Variants in FAT1 observed in about 807,000 individuals in gnomAD.
The protein encoded by FAT1 is protocadherin Fat 1.
Under a neutral mutation model 329.8 loss-of-function variants are expected in FAT1, and 171 were observed. The observed-to-expected ratio is 0.52, with a 90% CI of 0.46 to 0.59. The LOEUF (loss-of-function observed/expected upper bound fraction) is 0.59. Ranked by LOEUF, FAT1 falls within the 20% of genes least tolerant of loss-of-function variation. The pLI is 0.00. For synonymous variants in FAT1, 2,233 were observed against 2,228.6 expected (o/e 1.00, Z -0.06); for missense variants, 5,672 against 5,774.4 (o/e 0.98, Z 0.57).
chr4:186,717,628 T>C (rs1001055211), intron 1 of FAT1, among the ~76,000 whole-genome samples: 2 of 152,196 alleles, frequency 1.3e-5, no homozygotes, highest in Non-Finnish European at 2.9e-5. Flanking sequence ...TTAAGAAAGA[T>C]AAACAGATGT....
Position 186,628,485 on chromosome 4 carries a change from T to C in FAT1, c.4599+3A>G. The C allele has an allele frequency of 6.2e-7, 1 of 1,613,916 alleles. No homozygotes were observed. Among genetic ancestry groups the C allele is most frequent in the Non-Finnish European group, 8.5e-7 (1 of 1,179,830 alleles). ...GTGGGAGGAGAGCGGGTAGAGCGCC[T>C]ACCATGACCGTGAGGGTGTGCTGGT... On this transcript the variant is annotated splice_donor_region_variant and intron_variant, in intron 8 of 26. Coordinates refer to ENST00000441802, the MANE Select transcript of FAT1 (RefSeq NM_005245.4).
rs1452889942 is a variant in FAT1 at position 186,706,570 on chromosome 4, T to C, written c.3258A>G (p.Glu1086=). 1.2e-6 allele frequency: 2 copies of C among 1,602,636 alleles called. No homozygotes were observed. Among genetic ancestry groups the C allele is most frequent in the Non-Finnish European group, 8.5e-7 (1 of 1,172,632 alleles). The change falls in exon 2 of 27, where the codon GAA becomes GAG. Residue 1086 remains glutamate, a synonymous_variant. Coordinates refer to ENST00000441802, the MANE Select transcript of FAT1 (RefSeq NM_005245.4). ...GSGVGVFKIG[E]ETGVIETSDR... is the part of the protein sequence containing the mutation. ...CAATAAAAACATATTTACCTGTCTC[T>C]TCACCTATTTTGAAAACACCAACGC...
chr4:186,684,473 G>A (rs1255333911), intron 2 of FAT1, among the ~76,000 whole-genome samples: 3 of 152,086 alleles, frequency 2.0e-5, no homozygotes, highest in East Asian at 1.9e-4. Context: ...GCTCCTCCCC[G>A]GGATGCACCT....
chr4:186,638,281 G>C (rs1373707167), intron 4 of FAT1, among the ~76,000 whole-genome samples: 1 of 152,136 alleles, frequency 6.6e-6, no homozygotes, highest in Non-Finnish European at 1.5e-5. Context: ...CTTCCACCTA[G>C]CCTTTGATAT....
intron 17 of FAT1, among the ~76,000 whole-genome samples, chr4:186,605,057 A>G (rs964407679): frequency 1.6e-4 from 24 of 149,542 alleles, no homozygotes; most frequent in Non-Finnish European, 4.4e-5. Flanking sequence ...CGTCTCTACT[A>G]AAAATACAAA....
intron 7 of FAT1, among the ~76,000 whole-genome samples, chr4:186,631,693 A>G (rs1396509226): frequency 2.7e-5 from 4 of 150,192 alleles, no homozygotes; most frequent in African/African-American, 4.9e-5. Flanking sequence ...CTGCTCTTCA[A>G]TCCATCCCCG....
Position 186,708,530 on chromosome 4 carries a change from T to C in FAT1, c.1298A>G (p.His433Arg). 5.0e-6 allele frequency: 8 copies of C among 1,614,020 alleles called. No individual in the cohort carries two copies. Among genetic ancestry groups the C allele is most frequent in the Non-Finnish European group, 6.8e-6 (8 of 1,179,902 alleles). The change falls in exon 2 of 27, where the codon CAT becomes CGT. Residue 433 changes from histidine (H) to arginine (R), a missense_variant. His to Arg is a conservative substitution (Grantham distance 29, BLOSUM62 0). This residue lies in a region of FAT1 where 3,966 missense variants were observed against 3,915.2 expected (regional missense o/e 1.01). Coordinates refer to ENST00000441802, the MANE Select transcript of FAT1 (RefSeq NM_005245.4). ...LEPVKRQQAAHFELEVTTSDR... is the reference protein window; with the variant it reads ...LEPVKRQQAARFELEVTTSDR... ...ACTTGTTGTTACTTCAAGTTCAAAA[T>C]GGGCTGCCTGCTGTCTTTTAACTGG...
In FAT1 at chr4:186,707,191, G is replaced by A. The variant is rs572738553; in HGVS notation, c.2637C>T (p.Ile879=). 9.9e-5 allele frequency: 159 copies of A among 1,613,908 alleles called. No homozygotes were observed. The East Asian group carries it at 1.0e-3, about 10-fold the overall frequency. ...SIDSVTGVVN[I]ARPLDRELQH... is the part of the protein sequence containing the mutation. ...GCAGCTCTCGATCCAGAGGGCGTGC[G>A]ATGTTAACAACACCCGTCACGCTGT... The change falls in exon 2 of 27, where the codon ATC becomes ATT. Residue 879 remains isoleucine, a synonymous_variant. Coordinates refer to ENST00000441802, the MANE Select transcript of FAT1 (RefSeq NM_005245.4).
At chr4:186,704,607 G>A (rs1214801610) in intron 2 of FAT1, among the ~76,000 whole-genome samples, 1 of 152,132 alleles carries the variant, frequency 6.6e-6, no homozygotes, top group East Asian at 1.9e-4. Flanking sequence ...AAAAAAAGTA[G>A]GAATAACTGT....
At chr4:186,649,437 G>C (rs1015755969) in intron 3 of FAT1, among the ~76,000 whole-genome samples, 4 of 152,180 alleles carry the variant, frequency 2.6e-5, no homozygotes, top group African/African-American at 9.7e-5. Flanking sequence ...AACTGATGTG[G>C]ATAAGCATCC....
At position 186,707,937 on chromosome 4, in the gene FAT1, T is replaced by A. The variant is rs2126692529; in HGVS notation, c.1891A>T (p.Met631Leu). The stretch of plus-strand genomic sequence containing the variant: ...GACACCTTTGCACCTAAGCCATCCA[T>A]TAGCGATCGCTTTAATGACAATACC... ...SGVLSLKRSL[M>L]DGLGAKVSFH... The change falls in exon 2 of 27, where the codon ATG (methionine) becomes TTG (leucine). Residue 631 changes from methionine to leucine, a missense_variant. Coordinates refer to ENST00000441802, the MANE Select transcript of FAT1 (RefSeq NM_005245.4). 1 of 1,614,032 alleles carries A rather than the reference T, an allele frequency of 6.2e-7. No individual in the cohort carries two copies. The highest frequency in any genetic ancestry group is 8.5e-7 in the Non-Finnish European group (1 of 1,179,914).
At position 186,663,618 on chromosome 4, in the gene FAT1, A is replaced by G. The variant is rs1240341988; in HGVS notation, c.3266-5T>C. ...GATCTGACGTCTCTATGACACCTACAGAGAAAAAAGAAAAGCGTAAAGCAG... is the reference window on the plus strand; with the variant it reads ...GATCTGACGTCTCTATGACACCTACGGAGAAAAAAGAAAAGCGTAAAGCAG... On this transcript the variant is annotated splice_polypyrimidine_tract_variant and splice_region_variant and intron_variant, in intron 2 of 26. Coordinates refer to ENST00000441802, the MANE Select transcript of FAT1 (RefSeq NM_005245.4). 1.3e-6 allele frequency: 2 copies of G among 1,590,278 alleles called. No individual in the cohort carries two copies. Among genetic ancestry groups the G allele is most frequent in the African/African-American group, 2.7e-5 (2 of 74,402 alleles).
At chr4:186,605,629 AAGG>A (rs1172820125) in intron 17 of FAT1, among the ~76,000 whole-genome samples, 2 of 126,738 alleles carry the variant, frequency 1.6e-5, no homozygotes, top group Admixed American at 7.8e-5. Flanking sequence ...GGAGGAAGAG[AAGG>A]AGGAGGAATG....
intron 2 of FAT1, among the ~76,000 whole-genome samples, chr4:186,697,677 A>G (rs1241302968): frequency 6.6e-6 from 1 of 152,218 alleles, no homozygotes; most frequent in Non-Finnish European, 1.5e-5. Context: ...TCTCTATTAC[A>G]TTAAGCACCA....
chr4:186,598,773 T>A (rs1220309420), intron 22 of FAT1: 1 of 152,356 alleles, frequency 6.6e-6, no homozygotes, highest in Non-Finnish European at 1.5e-5. Context: ...TCCTCCTGCC[T>A]CAGCCTCTCA....
At chr4:186,652,649 A>G (rs1741719480) in intron 3 of FAT1, among the ~76,000 whole-genome samples, 1 of 152,138 alleles carries the variant, frequency 6.6e-6, no homozygotes, top group African/African-American at 2.4e-5. Flanking sequence ...TTTTTAAATG[A>G]ATTCCTGCCA....
chr4:186,710,219 T>C (rs1744889668), intron 1 of FAT1, among the ~76,000 whole-genome samples: 2 of 152,216 alleles, frequency 1.3e-5, no homozygotes, highest in South Asian at 2.1e-4. Flanking sequence ...GAACATTGTT[T>C]ACATTTACTT....
intron 16 of FAT1, among the ~76,000 whole-genome samples, chr4:186,606,470 T>C (rs757075182): frequency 6.6e-6 from 1 of 152,176 alleles, no homozygotes; most frequent in African/African-American, 2.4e-5. Flanking sequence ...GTAAAAGTCT[T>C]TTATCTTGCA....
At chr4:186,714,541 T>C (rs1007484290) in intron 1 of FAT1, among the ~76,000 whole-genome samples, 1 of 151,808 alleles carries the variant, frequency 6.6e-6, no homozygotes, top group South Asian at 2.1e-4. Flanking sequence ...TGAAAGACGG[T>C]ATTTAAAACC....
Sources: gnomAD v4.1 joint callset for allele counts (sites outside exome capture counted in the v4.1 genomes callset) on GRCh38, gnomAD v4.1.1 for gene constraint, gnomAD v4.1.1 regional missense constraint, MANE v1.5 for transcripts, NCBI Gene and HGNC (gene_info 2026-07-23, HGNC 2026-07-21) for gene names.